HIPK2: variants seen among roughly 807,000 people sequenced by gnomAD.
The protein encoded by HIPK2 is homeodomain-interacting protein kinase 2.
A neutral mutation model predicts 113.7 loss-of-function variants in HIPK2; 27 were observed. The ratio of observed to expected loss-of-function variants is 0.24; its 90% CI spans 0.17 to 0.33. The LOEUF (loss-of-function observed/expected upper bound fraction) is 0.33, where lower values mean the gene tolerates loss of function less well. Among genes scored for constraint, HIPK2 ranks in the 10% least tolerant of loss-of-function variants. The pLI is 1.00. For missense variants in HIPK2, 1,257 were observed against 1,588.0 expected, an observed-to-expected ratio of 0.79 and a Z score of 3.54; for synonymous variants, 631 against 642.2, an observed-to-expected ratio of 0.98 and a Z score of 0.26.
intron 2 of HIPK2, among the ~76,000 whole-genome samples, chr7:139,698,851 G>C (rs1463868650): frequency 4.6e-5 from 7 of 152,098 alleles, no homozygotes; most frequent in Non-Finnish European, 4.4e-5. Flanking sequence ...CACAGCTATA[G>C]AACAAAAGTT....
At chr7:139,729,691 C>T (rs75295256) in intron 1 of HIPK2, among the ~76,000 whole-genome samples, 394 of 152,308 alleles carry the variant, frequency 2.6e-3, no homozygotes, top group African/African-American at 8.5e-3. Flanking sequence ...AAAAGGCAAA[C>T]ACCCACAAAC....
At chr7:139,701,149 A>C (rs2116847951) in intron 2 of HIPK2, among the ~76,000 whole-genome samples, 1 of 152,312 alleles carries the variant, frequency 6.6e-6, no homozygotes, top group South Asian at 2.1e-4. Flanking sequence ...TAAAGCAGTG[A>C]ACCGGCATCA....
At position 139,570,415 on chromosome 7, in the gene HIPK2, C is replaced by T. The variant is rs1338038280; in HGVS notation, c.*2512G>A. Reference sequence around the variant, plus strand: ...AGATAAAGACAGTATTGATAATGGCCCGAGGGAAGGGAATCTCCTTGCTGC... The same window carrying T: ...AGATAAAGACAGTATTGATAATGGCTCGAGGGAAGGGAATCTCCTTGCTGC... On this transcript the variant is annotated 3_prime_UTR_variant, in exon 15 of 15. Transcript: ENST00000406875. The T allele has an allele frequency of 6.6e-6, 1 of 152,172 alleles. No individual in the cohort carries two copies. Among genetic ancestry groups the T allele is most frequent in the Non-Finnish European group, 1.5e-5 (1 of 68,064 alleles). 9.4% of individuals were successfully genotyped at this position (152,172 alleles called of 1,614,324 possible).
At chr7:139,767,346 C>T (rs111828808) in intron 1 of HIPK2, among the ~76,000 whole-genome samples, 18 of 152,228 alleles carry the variant, frequency 1.2e-4, no homozygotes, top group Non-Finnish European at 2.2e-4. Context: ...AAAGAAGGTT[C>T]TGTGTGTACA....
At chr7:139,682,778 G>T (rs529677876) in intron 2 of HIPK2, among the ~76,000 whole-genome samples, 1 of 152,226 alleles carries the variant, frequency 6.6e-6, no homozygotes, top group Non-Finnish European at 1.5e-5. Flanking sequence ...TTCTAACAGA[G>T]GGGACAGAAG....
At chr7:139,726,595 G>A (rs1185768603) in intron 1 of HIPK2, among the ~76,000 whole-genome samples, 2 of 152,186 alleles carry the variant, frequency 1.3e-5, no homozygotes, top group Non-Finnish European at 2.9e-5. Context: ...AAACTCTGAG[G>A]CAAGAAATTG....
At chr7:139,727,199 T>C (rs1040026882) in intron 1 of HIPK2, among the ~76,000 whole-genome samples, 2 of 152,116 alleles carry the variant, frequency 1.3e-5, no homozygotes, top group Admixed American at 1.3e-4. Context: ...TGTCAAATAG[T>C]ATGAGGAGGA....
At chr7:139,729,540 T>G in intron 1 of HIPK2, among the ~76,000 whole-genome samples, 1 of 152,180 alleles carries the variant, frequency 6.6e-6, no homozygotes, top group Non-Finnish European at 1.5e-5. Context: ...CCCCTCAGCA[T>G]CGAGGAGGAG....
At chr7:139,671,558 G>GT (rs199821003) in intron 2 of HIPK2, among the ~76,000 whole-genome samples, 3,855 of 147,484 alleles carry the variant, frequency 0.026, 154 homozygotes, top group African/African-American at 0.086. Context: ...TGAGAATAAA[G>GT]TTTTTTTTTT....
chr7:139,564,418 C>CA lies in HIPK2; in HGVS notation c.*8508dup, dbSNP rs1798033393. 1 of 152,826 alleles carries CA rather than the reference C, an allele frequency of 6.5e-6. No individual in the cohort carries two copies. 9.5% of individuals were successfully genotyped at this position (152,826 alleles called of 1,614,324 possible). ...AATAAGTTAAATATTCAAATCAAGA[C>CA]AAAAATCAATGAACCAGGTTATCTG... On this transcript the variant is annotated 3_prime_UTR_variant, in exon 15 of 15. Transcript: ENST00000406875.
chr7:139,687,275 G>A (rs984311940), intron 2 of HIPK2, among the ~76,000 whole-genome samples: 2 of 152,162 alleles, frequency 1.3e-5, no homozygotes, highest in African/African-American at 4.8e-5. Context: ...AATTAAGTAT[G>A]TGCAATTTTT....
intron 9 of HIPK2, among the ~76,000 whole-genome samples, chr7:139,609,201 T>C (rs1201534557): frequency 6.6e-6 from 1 of 152,202 alleles, no homozygotes; most frequent in Non-Finnish European, 1.5e-5. Flanking sequence ...GGCATGGGGC[T>C]TGGGAGGATG....
intron 2 of HIPK2, among the ~76,000 whole-genome samples, chr7:139,690,266 G>C (rs946166558): frequency 1.1e-4 from 17 of 151,870 alleles, no homozygotes; most frequent in South Asian, 2.1e-4. Flanking sequence ...CTATTTAGTG[G>C]TATGAGCAGT....
intron 6 of HIPK2, among the ~76,000 whole-genome samples, chr7:139,623,454 G>A (rs578168579): frequency 6.7e-6 from 1 of 148,800 alleles, no homozygotes; most frequent in Non-Finnish European, 1.5e-5. Context: ...AAGCTGCAGT[G>A]ACGCAGTGAG....
chr7:139,768,352 G>C (rs1170566028), intron 1 of HIPK2, among the ~76,000 whole-genome samples: 1 of 152,160 alleles, frequency 6.6e-6, no homozygotes, highest in African/African-American at 2.4e-5. Context: ...CCCTATCTGA[G>C]GTCAGACTGT....
intron 2 of HIPK2, among the ~76,000 whole-genome samples, chr7:139,642,847 G>A (rs1242713807): frequency 1.3e-5 from 2 of 152,182 alleles, no homozygotes. Context: ...AAACACCGTG[G>A]ACCCCAAGAT....
chr7:139,652,620 C>T (rs2116479857), intron 2 of HIPK2, among the ~76,000 whole-genome samples: 1 of 152,276 alleles, frequency 6.6e-6, no homozygotes, highest in South Asian at 2.1e-4. Flanking sequence ...ATGTGCTGGG[C>T]ACTAATTAGA....
At chr7:139,775,717 T>C (rs936862578) in intron 1 of HIPK2, among the ~76,000 whole-genome samples, 3 of 152,140 alleles carry the variant, frequency 2.0e-5, no homozygotes, top group Non-Finnish European at 4.4e-5. Context: ...GTTCTTTATC[T>C]GGCGTAAGGA....
intron 1 of HIPK2, among the ~76,000 whole-genome samples, chr7:139,745,740 T>G (rs1796179634): frequency 6.6e-6 from 1 of 152,100 alleles, no homozygotes; most frequent in Admixed American, 6.6e-5. Flanking sequence ...TTCCAGGCAG[T>G]GGCCAGGCCT....
Sources: gnomAD v4.1 joint callset for allele counts (sites outside exome capture counted in the v4.1 genomes callset) on GRCh38, gnomAD v4.1.1 for gene constraint, MANE v1.5 for transcripts, NCBI Gene and HGNC (gene_info 2026-07-23, HGNC 2026-07-21) for gene names.